The following BPIFA2 variants were observed in gnomAD, a reference collection of about 807,000 sequenced individuals.
The protein encoded by BPIFA2 is BPI fold-containing family A member 2.
In BPIFA2, 20 loss-of-function variants were observed where a neutral mutation model predicts 25.7. That is an observed-to-expected ratio of 0.78 (90% CI 0.55 to 1.13). The LOEUF (loss-of-function observed/expected upper bound fraction) is 1.13, where lower values mean the gene tolerates loss of function less well. Ranked by LOEUF, BPIFA2 falls within the 50% of genes most tolerant of loss-of-function variation. The pLI, the probability that BPIFA2 is intolerant of heterozygous loss-of-function variation, is 0.00. For missense variants in BPIFA2, 300 were observed against 298.1 expected (o/e 1.01, Z -0.05); for synonymous variants, 126 against 124.3 (o/e 1.01, Z -0.09).
At chr20:33,162,407 G>A (rs1056114423) in intron 1 of BPIFA2, among the ~76,000 whole-genome samples, 3 of 152,182 alleles carry the variant, frequency 2.0e-5, no homozygotes, top group African/African-American at 7.2e-5. Flanking sequence ...CGATTTTAGA[G>A]AGCAGAAGAC....
chr20:33,180,079 G>A (rs973563678), intron 7 of BPIFA2, among the ~76,000 whole-genome samples: 7 of 152,074 alleles, frequency 4.6e-5, no homozygotes, highest in Non-Finnish European at 1.0e-4. Context: ...TTAGCCAGGC[G>A]TGGTGGCATC....
chr20:33,172,447 C>G (rs2146452777), intron 2 of BPIFA2, among the ~76,000 whole-genome samples: 1 of 152,222 alleles, frequency 6.6e-6, no homozygotes, highest in Non-Finnish European at 1.5e-5. Flanking sequence ...TGCTGGAAAG[C>G]TGTCATTCTG....
upstream of BPIFA2, among the ~76,000 whole-genome samples, chr20:33,166,040 G>A (rs757163665): frequency 1.3e-5 from 2 of 151,956 alleles, no homozygotes; most frequent in Admixed American, 6.6e-5. Flanking sequence ...TGTTTGAGAC[G>A]GAGTTTCGCT....
Position 33,174,063 on chromosome 20 carries a change from TG to T in BPIFA2, c.303-15del. 1 of 1,607,720 alleles carries T rather than the reference TG, an allele frequency of 6.2e-7. No individual in the cohort carries two copies. Among genetic ancestry groups the T allele is most frequent in the East Asian group, 2.2e-5 (1 of 44,850 alleles). Reference sequence around the variant, plus strand: ...GTCATGAGGAGTGACAAGGGTGAATTGTGGGTTTCACACAGGTTGAAAATCA... The same window carrying T: ...GTCATGAGGAGTGACAAGGGTGAATTTGGGTTTCACACAGGTTGAAAATCA... On this transcript the variant is annotated splice_polypyrimidine_tract_variant and intron_variant, in intron 3 of 8. Coordinates refer to ENST00000354932, the MANE Select transcript of BPIFA2 (RefSeq NM_080574.4).
intron 8 of BPIFA2, among the ~76,000 whole-genome samples, 175 bp downstream of exon 8, chr20:33,180,772 C>T (rs1276084309): frequency 1.3e-5 from 2 of 152,184 alleles, no homozygotes; most frequent in African/African-American, 4.8e-5. Flanking sequence ...AACACTGAGC[C>T]TTAATCACTG....
chr20:33,174,264 A>C, intron 4 of BPIFA2, 78 bp downstream of exon 4: 1 of 1,285,376 alleles, frequency 7.8e-7, no homozygotes, highest in Non-Finnish European at 1.1e-6. Flanking sequence ...GGAATCGGGC[A>C]CCTCCTCCCG....
chr20:33,168,861 C>G (rs142208527), intron 1 of BPIFA2, among the ~76,000 whole-genome samples: 166 of 152,294 alleles, frequency 1.1e-3, no homozygotes, highest in African/African-American at 3.7e-3. Flanking sequence ...ATATTTTAGG[C>G]AGAGAAGACA....
upstream of BPIFA2, among the ~76,000 whole-genome samples, chr20:33,163,306 C>G (rs1461399638): frequency 6.6e-6 from 1 of 152,180 alleles, no homozygotes; most frequent in Non-Finnish European, 1.5e-5. Context: ...AAAAGCCAGG[C>G]CCCAGGCTGG....
Position 33,173,036 on chromosome 20 carries a change from G to A in BPIFA2, c.262G>A (p.Val88Ile). 1.2e-6 allele frequency: 2 copies of A among 1,614,106 alleles called. No individual in the cohort carries two copies. Among genetic ancestry groups the A allele is most frequent in the Non-Finnish European group, 1.7e-6 (2 of 1,180,008 alleles). Residue 88 changes from valine (V) to isoleucine (I), a missense_variant, in exon 3 of 9, where the codon GTC (valine) becomes ATC (isoleucine). Physicochemically the swap from Val to Ile is conservative, Grantham distance 29. Transcript: ENST00000354932. The stretch of plus-strand genomic sequence containing the variant: ...GGAAGCTGAGAAATTGCTGAACAAT[G>A]TCATTTCTAAGCTGCTTCCAACTAA... ...AQEAEKLLNN[V>I]ISKLLPTNTD...
At chr20:33,175,837 G>A (rs1274091499) in intron 5 of BPIFA2, among the ~76,000 whole-genome samples, 4 of 152,174 alleles carry the variant, frequency 2.6e-5, no homozygotes, top group African/African-American at 4.8e-5. Flanking sequence ...TATTTAGCAC[G>A]CAGCCTGGAA....
At chr20:33,168,618 C>T (rs1022304119) in intron 1 of BPIFA2, among the ~76,000 whole-genome samples, 2 of 152,258 alleles carry the variant, frequency 1.3e-5, no homozygotes, top group African/African-American at 4.8e-5. Flanking sequence ...TTTTTACTGG[C>T]GCCTGAGGAT....
At position 33,179,665 on chromosome 20, in the gene BPIFA2, T is replaced by G; in HGVS notation, c.707T>G (p.Val236Gly). The G allele has an allele frequency of 6.2e-7, 1 of 1,609,648 alleles. No homozygotes were observed. Among genetic ancestry groups the G allele is most frequent in the African/African-American group, 1.3e-5 (1 of 74,708 alleles). Residue 236 changes from valine (V) to glycine (G), a missense_variant and splice_region_variant, in exon 7 of 9, where the codon GTC becomes GGC. Physicochemically the swap from Val to Gly is moderately radical, Grantham distance 109. Transcript: ENST00000354932. Reference protein sequence around the residue: ...SLDVNVIQQVVDNPQHKTQLQ... With the variant: ...SLDVNVIQQVGDNPQHKTQLQ... Reference sequence around the variant, plus strand: ...GATGTGAATGTCATTCAGCAGGTCGTCGGTAAGTCAATGGGGAAGTGGGGA... The same window carrying G: ...GATGTGAATGTCATTCAGCAGGTCGGCGGTAAGTCAATGGGGAAGTGGGGA...
At chr20:33,180,150 G>A (rs1284593584) in intron 7 of BPIFA2, among the ~76,000 whole-genome samples, 3 of 151,954 alleles carry the variant, frequency 2.0e-5, no homozygotes, top group South Asian at 2.1e-4. Context: ...CCTAGGAGGC[G>A]GACATCGCAG....
rs79337613 is a variant in BPIFA2 at position 33,174,197 on chromosome 20, A to C, written c.410+11A>C. On this transcript the variant is annotated intron_variant, in intron 4 of 8. Transcript: ENST00000354932. ...TGTCACTGTGGCCGGGTGAGTATGCACTAGAATCTGAGATTTGGGAAAGGC... is the reference window on the plus strand; with the variant it reads ...TGTCACTGTGGCCGGGTGAGTATGCCCTAGAATCTGAGATTTGGGAAAGGC... The C allele has an allele frequency of 6.2e-7, 1 of 1,612,764 alleles. No homozygotes were observed. Among genetic ancestry groups the C allele is most frequent in the South Asian group, 1.1e-5 (1 of 91,050 alleles).
At chr20:33,163,187 G>A (rs1600593111), upstream of BPIFA2, among the ~76,000 whole-genome samples, 2 of 152,286 alleles carry the variant, frequency 1.3e-5, no homozygotes, top group African/African-American at 2.4e-5. Context: ...GTGGAGGGAA[G>A]GAAGGACTCT....
At chr20:33,177,248 G>A (rs558287057) in intron 5 of BPIFA2, among the ~76,000 whole-genome samples, 5 of 152,042 alleles carry the variant, frequency 3.3e-5, no homozygotes, top group Admixed American at 2.6e-4. Context: ...CCAGCTACTC[G>A]GGACGCTGAG....
At chr20:33,169,079 G>T (rs1419742388) in intron 1 of BPIFA2, 52 bp from the exon 2 acceptor site, 8 of 1,450,288 alleles carry the variant, frequency 5.5e-6, no homozygotes, top group Admixed American at 3.4e-5. Context: ...TCACTGAAGA[G>T]TCCATTTCCC....
At chr20:33,172,570 G>A (rs1248313459) in intron 2 of BPIFA2, among the ~76,000 whole-genome samples, 1 of 152,018 alleles carries the variant, frequency 6.6e-6, no homozygotes, top group Non-Finnish European at 1.5e-5. Flanking sequence ...ACTCACGTGA[G>A]CATCTCACTT....
At chr20:33,170,489 G>A (rs1456204141) in intron 2 of BPIFA2, among the ~76,000 whole-genome samples, 1 of 152,096 alleles carries the variant, frequency 6.6e-6, no homozygotes, top group African/African-American at 2.4e-5. Flanking sequence ...AACCTCCTGG[G>A]CTCAACTGAT....
Sources: allele counts gnomAD v4.1 joint callset (sites outside exome capture counted in the v4.1 genomes callset), GRCh38; gene constraint gnomAD v4.1.1; transcripts MANE v1.5; gene names NCBI Gene and HGNC (gene_info 2026-07-23, HGNC 2026-07-21).